NTRK3: variants seen among roughly 807,000 people sequenced by gnomAD.
NTRK3 encodes neurotrophic receptor tyrosine kinase 3.
A neutral mutation model predicts 91.7 loss-of-function variants in NTRK3; 24 were observed. The observed-to-expected ratio is 0.26, with a 90% CI of 0.19 to 0.37. The LOEUF is 0.37. Ranked by LOEUF, NTRK3 falls within the 10% of genes least tolerant of loss-of-function variation. The pLI is 1.00. For missense variants in NTRK3, 880 were observed against 1,068.9 expected, an observed-to-expected ratio of 0.82 and a Z score of 2.46; for synonymous variants, 483 against 404.0, an observed-to-expected ratio of 1.20 and a Z score of -2.34.
At chr15:88,182,290 G>T (rs2046545200) in intron 5 of NTRK3, among the ~76,000 whole-genome samples, 1 of 152,094 alleles carries the variant, frequency 6.6e-6, no homozygotes, top group South Asian at 2.1e-4. Flanking sequence ...CTGGGGGTAA[G>T]GTCAGGATCC....
At chr15:88,070,029 T>G (rs2046972257) in intron 13 of NTRK3, among the ~76,000 whole-genome samples, 1 of 152,196 alleles carries the variant, frequency 6.6e-6, no homozygotes, top group African/African-American at 2.4e-5. Flanking sequence ...CAAATCCATC[T>G]CACAGCTGTT....
At chr15:87,909,655 G>A (rs1054144901) in intron 17 of NTRK3, among the ~76,000 whole-genome samples, 6 of 152,304 alleles carry the variant, frequency 3.9e-5, no homozygotes, top group East Asian at 3.9e-4. Context: ...TGCTCATTAT[G>A]GGGAAGTCCT....
intron 14 of NTRK3, among the ~76,000 whole-genome samples, chr15:87,988,471 G>A (rs1302822516): frequency 6.6e-6 from 1 of 152,192 alleles, no homozygotes; most frequent in African/African-American, 2.4e-5. Flanking sequence ...TGTGACAAAT[G>A]TATCATGGTG....
intron 3 of NTRK3, among the ~76,000 whole-genome samples, chr15:88,250,074 T>C (rs72758280): frequency 0.015 from 2,356 of 152,312 alleles, 20 homozygotes; most frequent in Non-Finnish European, 0.022. Context: ...ATCCTGGAAG[T>C]ATCTTTCTCT....
intron 14 of NTRK3, among the ~76,000 whole-genome samples, chr15:87,946,548 G>A (rs1197235144): frequency 6.6e-6 from 1 of 152,110 alleles, no homozygotes; most frequent in Non-Finnish European, 1.5e-5. Context: ...TGAAGGTGTT[G>A]ACTTAAGAGG....
intron 14 of NTRK3, among the ~76,000 whole-genome samples, chr15:88,024,045 C>T (rs989931494): frequency 6.6e-6 from 1 of 152,210 alleles, no homozygotes; most frequent in South Asian, 2.1e-4. Flanking sequence ...ATCTATATCA[C>T]GCTGATGCAC....
rs2052278793 is a variant in NTRK3, at chr15:88,240,828, T to C, written c.248+15078A>G. Among the ~76,000 whole-genome samples, 1 of 152,210 alleles carries C rather than the reference T, an allele frequency of 6.6e-6. No individual in the cohort carries two copies. Among genetic ancestry groups the C allele is most frequent in the South Asian group, 2.1e-4 (1 of 4,824 alleles). On this transcript the variant is annotated intron_variant, in intron 3 of 18. Coordinates refer to ENST00000394480, the Ensembl canonical transcript of NTRK3. This position sits in a 1 kb window ranked among gnomAD's most constrained non-coding sequence, Gnocchi z 4.9. ...GCTGTCACTGTGATGAGCTCAGTTT[T>C]CTCTAGAAGATTCCTCCAACGGGCT...
At chr15:87,996,819 C>T (rs406543) in intron 14 of NTRK3, among the ~76,000 whole-genome samples, 1 of 152,206 alleles carries the variant, frequency 6.6e-6, no homozygotes, top group African/African-American at 2.4e-5. Flanking sequence ...TTTAGACTTG[C>T]TAAGATCAGT....
chr15:88,063,580 C>T (rs910316356), intron 13 of NTRK3, among the ~76,000 whole-genome samples: 16 of 152,200 alleles, frequency 1.1e-4, no homozygotes, highest in African/African-American at 3.9e-4. Context: ...CCTCATGACC[C>T]GCCTGCCTTC....
intron 14 of NTRK3, among the ~76,000 whole-genome samples, chr15:87,942,201 T>C (rs2069940602): frequency 6.6e-6 from 1 of 152,204 alleles, no homozygotes; most frequent in South Asian, 2.1e-4. Flanking sequence ...AGAGGAAGCA[T>C]TTACAGACTA....
intron 5 of NTRK3, among the ~76,000 whole-genome samples, chr15:88,172,720 G>A (rs945362020): frequency 6.6e-6 from 1 of 152,172 alleles, no homozygotes; most frequent in African/African-American, 2.4e-5. Flanking sequence ...CATGTTATCT[G>A]GCCCTGGGTG....
chr15:87,979,409 A>G, intron 14 of NTRK3: 2 of 1,614,074 alleles, frequency 1.2e-6, no homozygotes, highest in Non-Finnish European at 1.7e-6. Context: ...GCCATGGTTA[A>G]GAGGCTTGGA....
At chr15:88,084,967 A>G (rs1166673099) in intron 13 of NTRK3, among the ~76,000 whole-genome samples, 1 of 152,198 alleles carries the variant, frequency 6.6e-6, no homozygotes. Context: ...AGCTGGGATA[A>G]CCTATATATC....
At chr15:88,131,749 C>T (rs532488706) in intron 10 of NTRK3, among the ~76,000 whole-genome samples, 2 of 152,354 alleles carry the variant, frequency 1.3e-5, no homozygotes, top group East Asian at 3.9e-4. Flanking sequence ...GTGTTTAAGG[C>T]CTTTGCCAGG....
At position 87,870,181 on chromosome 15, in the gene NTRK3, TACACAC is replaced by T. The variant is rs58874538; in HGVS notation, c.*6748_*6753del. 3.3e-3 allele frequency: 547 copies of T among 168,088 alleles called. 1 individual carries two copies. Among genetic ancestry groups the T allele is most frequent in the African/African-American group, 7.6e-3 (304 of 39,816 alleles). 10.4% of individuals were successfully genotyped at this position (168,088 alleles called of 1,614,324 possible). Reference sequence around the variant, plus strand: ...CAATGAGCAGATAAAGAAACTGTGGTACACACACACACACACACACACACACACACA... The same window carrying T: ...CAATGAGCAGATAAAGAAACTGTGGTACACACACACACACACACACACACA... On this transcript the variant is annotated 3_prime_UTR_variant, in exon 19 of 19. Coordinates refer to ENST00000394480, the Ensembl canonical transcript of NTRK3.
chr15:87,919,542 A>G (rs978314682), intron 17 of NTRK3, among the ~76,000 whole-genome samples: 1 of 152,192 alleles, frequency 6.6e-6, no homozygotes, highest in South Asian at 2.1e-4. Context: ...GATGTCCCCA[A>G]CATTACCACC....
intron 14 of NTRK3, among the ~76,000 whole-genome samples, chr15:88,014,850 G>C (rs1201379132): frequency 6.6e-6 from 1 of 152,178 alleles, no homozygotes; most frequent in Non-Finnish European, 1.5e-5. Flanking sequence ...AAAAGTCATT[G>C]GTCGATCTAT....
intron 5 of NTRK3, among the ~76,000 whole-genome samples, chr15:88,152,764 C>A (rs1419909761): frequency 6.6e-6 from 1 of 152,182 alleles, no homozygotes; most frequent in Non-Finnish European, 1.5e-5. Flanking sequence ...TTTCTGTCAC[C>A]CCCTTGCTCT....
At chr15:88,098,193 G>A (rs1407846331) in intron 13 of NTRK3, among the ~76,000 whole-genome samples, 8 of 152,074 alleles carry the variant, frequency 5.3e-5, no homozygotes, top group Non-Finnish European at 1.0e-4. Context: ...GAGCAACCGG[G>A]GTTTATAAAG....
Sources: gnomAD v4.1 joint callset for allele counts (sites outside exome capture counted in the v4.1 genomes callset) on GRCh38, gnomAD v4.1.1 for gene constraint, Gnocchi (gnomAD v3.1) non-coding constraint, MANE v1.5 for transcripts, NCBI Gene and HGNC (gene_info 2026-07-23, HGNC 2026-07-21) for gene names.